The following OR1F1 variants were observed in gnomAD, a reference collection of about 807,000 sequenced individuals.
The protein encoded by OR1F1 is olfactory receptor 1F1.
For synonymous variants in OR1F1, 184 were observed against 156.7 expected, an observed-to-expected ratio of 1.17 and a Z score of -1.30; for missense variants, 493 against 376.3, an observed-to-expected ratio of 1.31 and a Z score of -2.57.
chr16:3,192,520 G>A, the OR1F1 span, among the ~76,000 whole-genome samples: 1 of 152,154 alleles, frequency 6.6e-6, no homozygotes, highest in Non-Finnish European at 1.5e-5. Context: ...CTGAGGTCCC[G>A]GAAGCCTCAT....
chr16:3,191,926 T>C, the OR1F1 span, among the ~76,000 whole-genome samples: 10 of 152,176 alleles, frequency 6.6e-5, no homozygotes, highest in Non-Finnish European at 1.2e-4. Flanking sequence ...TTCGCAGGCT[T>C]GAGCTTTATC....
chr16:3,202,060 C>T (rs558844970), upstream of OR1F1, among the ~76,000 whole-genome samples: 79 of 152,322 alleles, frequency 5.2e-4, no homozygotes, highest in African/African-American at 1.9e-3. Context: ...ACCACTGGCT[C>T]GCCCTTGTAT....
chr16:3,197,747 GGGAGAGGGAGAAGGAGAA>G, the OR1F1 span, among the ~76,000 whole-genome samples: 2 of 102,314 alleles, frequency 2.0e-5, no homozygotes, highest in African/African-American at 7.8e-5. Flanking sequence ...GAGAAGGAGA[GGGAGAGGGAGAAGGAGAA>G]AGAGAGGGAG....
the OR1F1 span, among the ~76,000 whole-genome samples, chr16:3,190,971 G>T: frequency 6.6e-6 from 1 of 152,068 alleles, no homozygotes; most frequent in African/African-American, 2.4e-5. Context: ...CAACCAAATA[G>T]TTCTAGATAT....
chr16:3,192,015 T>G, the OR1F1 span, among the ~76,000 whole-genome samples: 2 of 152,032 alleles, frequency 1.3e-5, no homozygotes, highest in South Asian at 4.1e-4. Context: ...GGTATGATTC[T>G]CGCTTAGGAT....
At chr16:3,191,534 C>T in the OR1F1 span, among the ~76,000 whole-genome samples, 1 of 152,162 alleles carries the variant, frequency 6.6e-6, no homozygotes, top group Non-Finnish European at 1.5e-5. Flanking sequence ...GCATGGGACT[C>T]TTAATCTCAG....
the OR1F1 span, among the ~76,000 whole-genome samples, chr16:3,195,782 C>T: frequency 1.6e-4 from 25 of 152,106 alleles, no homozygotes; most frequent in African/African-American, 5.8e-4. Flanking sequence ...CTGCTATATC[C>T]CCAGTGCCTG....
upstream of OR1F1, among the ~76,000 whole-genome samples, chr16:3,202,990 G>T (rs1245805641): frequency 1.3e-5 from 2 of 152,104 alleles, no homozygotes; most frequent in Non-Finnish European, 2.9e-5. Flanking sequence ...AGCTTCACAG[G>T]TATCTCCCAA....
chr16:3,196,213 C>A, the OR1F1 span, among the ~76,000 whole-genome samples: 1 of 152,162 alleles, frequency 6.6e-6, no homozygotes, highest in Non-Finnish European at 1.5e-5. Flanking sequence ...GGGTTTGAGC[C>A]CTGTGTTGAG....
chr16:3,191,977 G>C, the OR1F1 span, among the ~76,000 whole-genome samples: 7 of 152,160 alleles, frequency 4.6e-5, no homozygotes, highest in African/African-American at 1.7e-4. Flanking sequence ...AAAGTAAAGG[G>C]CCTGCTGCTG....
the OR1F1 span, among the ~76,000 whole-genome samples, chr16:3,194,508 C>G: frequency 6.6e-6 from 1 of 152,176 alleles, no homozygotes; most frequent in Non-Finnish European, 1.5e-5. Flanking sequence ...AACGTTCAAT[C>G]TATCCTGGTT....
chr16:3,197,231 C>T, the OR1F1 span, among the ~76,000 whole-genome samples: 2 of 151,118 alleles, frequency 1.3e-5, no homozygotes, highest in African/African-American at 2.4e-5. Flanking sequence ...GTTGGCCAGG[C>T]TGGTCTGAAA....
At chr16:3,201,071 A>G (rs1337825771), upstream of OR1F1, among the ~76,000 whole-genome samples, 1 of 152,192 alleles carries the variant, frequency 6.6e-6, no homozygotes, top group African/African-American at 2.4e-5. Flanking sequence ...AGAATAATAC[A>G]TTATGTGTTC....
At chr16:3,194,052 A>G in the OR1F1 span, among the ~76,000 whole-genome samples, 1 of 152,186 alleles carries the variant, frequency 6.6e-6, no homozygotes, top group Non-Finnish European at 1.5e-5. Context: ...AGGACAAAGC[A>G]TGGAGACACA....
At chr16:3,196,146 C>T in the OR1F1 span, among the ~76,000 whole-genome samples, 7 of 152,344 alleles carry the variant, frequency 4.6e-5, no homozygotes, top group East Asian at 1.3e-3. Context: ...GAAAACCTTG[C>T]AGTTATGCCC....
the OR1F1 span, among the ~76,000 whole-genome samples, chr16:3,193,081 C>T: frequency 6.6e-6 from 1 of 152,126 alleles, no homozygotes; most frequent in Non-Finnish European, 1.5e-5. Context: ...GAGGAGCCAC[C>T]ACACCCGGCT....
chr16:3,193,921 C>T, the OR1F1 span, among the ~76,000 whole-genome samples: 4 of 152,228 alleles, frequency 2.6e-5, no homozygotes, highest in African/African-American at 9.6e-5. Flanking sequence ...GGTAACTGCC[C>T]CAGTGGCCTG....
chr16:3,200,414 C>G (rs540499350), upstream of OR1F1, among the ~76,000 whole-genome samples: 1 of 152,268 alleles, frequency 6.6e-6, no homozygotes, highest in East Asian at 1.9e-4. Flanking sequence ...CGAGACCAGC[C>G]TGGCCAATAT....
At chr16:3,204,110 G>T (rs181358206), upstream of OR1F1, 21 of 657,002 alleles carry the variant, frequency 3.2e-5, no homozygotes, top group Non-Finnish European at 1.8e-5. Context: ...AGCAGCCCCA[G>T]CAGGGTTGAC....
Sources: allele counts gnomAD v4.1 joint callset (sites outside exome capture counted in the v4.1 genomes callset), GRCh38; gene constraint gnomAD v4.1.1; transcripts MANE v1.5; gene names NCBI Gene and HGNC (gene_info 2026-07-23, HGNC 2026-07-21).